AMBP: variants seen among roughly 807,000 people sequenced by gnomAD.
AMBP encodes the protein alpha-1-microglobulin/bikunin precursor.
A neutral mutation model predicts 46.3 loss-of-function variants in AMBP; 37 were observed. That is an observed-to-expected ratio of 0.80 (90% CI 0.61 to 1.05). The LOEUF (loss-of-function observed/expected upper bound fraction) is 1.05. AMBP is among the 50% of genes least tolerant of loss of function. The pLI is 0.00. For missense variants in AMBP, 475 were observed against 461.2 expected (o/e 1.03, Z -0.27); for synonymous variants, 174 against 175.9 (o/e 0.99, Z 0.09).
intron 2 of AMBP, among the ~76,000 whole-genome samples, chr9:114,076,134 T>C (rs1357231164): frequency 6.7e-6 from 1 of 149,784 alleles, no homozygotes; most frequent in Non-Finnish European, 1.5e-5. Context: ...GGTGGAAGGG[T>C]GGAGGTCAGA....
chr9:114,072,887 G>A, intron 5 of AMBP, 38 bp downstream of exon 5: 7 of 1,595,186 alleles, frequency 4.4e-6, no homozygotes, highest in Non-Finnish European at 6.0e-6. Flanking sequence ...AAGGGACGAA[G>A]AGGGGACAGG....
intron 8 of AMBP, 127 bp downstream of exon 8, chr9:114,061,297 A>T: frequency 6.7e-7 from 1 of 1,493,236 alleles, no homozygotes. Flanking sequence ...CTAAGATTTC[A>T]GGAAACCGCC....
intron 4 of AMBP, among the ~76,000 whole-genome samples, chr9:114,073,641 G>A (rs1241813048): frequency 6.6e-6 from 1 of 152,038 alleles, no homozygotes; most frequent in Non-Finnish European, 1.5e-5. Context: ...GGGACTGCAA[G>A]CACACATGCA....
chr9:114,076,420 G>A (rs554384053), intron 2 of AMBP, among the ~76,000 whole-genome samples, 178 bp downstream of exon 2: 1 of 152,216 alleles, frequency 6.6e-6, no homozygotes, highest in South Asian at 2.1e-4. Flanking sequence ...CTGCCCTCGA[G>A]GAATAGATAG....
chr9:114,077,088 C>T (rs1846821447), intron 1 of AMBP, among the ~76,000 whole-genome samples: 1 of 152,162 alleles, frequency 6.6e-6, no homozygotes, highest in Admixed American at 6.5e-5. Flanking sequence ...TCTTTTACTC[C>T]TCCAATGATG....
At chr9:114,060,302 C>A (rs560013983) in intron 9 of AMBP, 32 bp from the exon 10 acceptor site, 1 of 1,611,156 alleles carries the variant, frequency 6.2e-7, no homozygotes, top group Non-Finnish European at 8.5e-7. Context: ...GGGAGGGGTC[C>A]GTAGGCAGGG....
In AMBP at chr9:114,076,727, C is replaced by A; in HGVS notation, c.131G>T (p.Trp44Leu). 6.2e-7 allele frequency: 1 copy of A among 1,614,010 alleles called. No homozygotes were observed. Among genetic ancestry groups the A allele is most frequent in the Non-Finnish European group, 8.5e-7 (1 of 1,179,948 alleles). The change falls in exon 2 of 10, where the codon TGG becomes TTG. Residue 44 changes from tryptophan (W) to leucine (L), a missense_variant. This residue lies in a region of AMBP where 179 missense variants were observed against 167.4 expected (regional missense o/e 1.07). Transcript: ENST00000265132. ...NFNISRIYGK[W>L]YNLAIGSTCP... ...GGTGGAACCGATGGCCAGGTTGTAC[C>A]ACTTCCCATAGATCTAGGAGGCAGG...
intron 7 of AMBP, 74 bp downstream of exon 7, chr9:114,062,603 G>A: frequency 6.9e-7 from 1 of 1,453,304 alleles, no homozygotes; most frequent in Non-Finnish European, 9.6e-7. Context: ...GATAAGAGTA[G>A]CCAGGGTGAG....
At chr9:114,062,426 G>C (rs937110102) in intron 7 of AMBP, among the ~76,000 whole-genome samples, 1 of 152,196 alleles carries the variant, frequency 6.6e-6, no homozygotes, top group Non-Finnish European at 1.5e-5. Context: ...CAGTCATACA[G>C]ACAGGGCAAG....
At chr9:114,070,005 C>T in intron 5 of AMBP, 2 of 528,526 alleles carry the variant, frequency 3.8e-6, no homozygotes, top group Non-Finnish European at 6.8e-6. Flanking sequence ...GAAAGAATAG[C>T]AATAGCTAAC....
chr9:114,073,123 A>G, intron 4 of AMBP, 97 bp from the exon 5 acceptor site: 6 of 1,063,402 alleles, frequency 5.6e-6, no homozygotes, highest in Non-Finnish European at 8.2e-6. Context: ...CTTAGGGAAA[A>G]TTTGAAAACT....
At chr9:114,062,383 T>TA (rs1339175644) in intron 7 of AMBP, among the ~76,000 whole-genome samples, 1 of 152,196 alleles carries the variant, frequency 6.6e-6, no homozygotes. Flanking sequence ...TATCCCATAA[T>TA]ATGGATGAGG....
intron 2 of AMBP, among the ~76,000 whole-genome samples, chr9:114,075,344 G>T (rs994427095): frequency 1.3e-5 from 2 of 152,176 alleles, no homozygotes; most frequent in Non-Finnish European, 2.9e-5. Flanking sequence ...TTATACTGAG[G>T]CAGGAGGAGC....
intron 7 of AMBP, among the ~76,000 whole-genome samples, 161 bp from the exon 8 acceptor site, chr9:114,061,752 C>T (rs569475768): frequency 3.9e-5 from 6 of 152,198 alleles, no homozygotes; most frequent in African/African-American, 1.2e-4. Flanking sequence ...GTAACTTGGC[C>T]GGGGTCACAT....
rs750279851 is a variant in AMBP, at chr9:114,073,050, C to G, written c.455-24G>C. The G allele has an allele frequency of 1.0e-5, 16 of 1,599,918 alleles. No homozygotes were observed. In the Middle Eastern group the frequency reaches 6.6e-4, roughly 66 times the overall value. ...CCCTGCAAGGAGGAAGCAGAGGAGA[C>G]GCCTAGAACCACCAGGTGCTTGGAG... On this transcript the variant is annotated intron_variant, in intron 4 of 9. Coordinates refer to ENST00000265132, the MANE Select transcript of AMBP (RefSeq NM_001633.4).
At chr9:114,071,478 G>A (rs371393370) in intron 5 of AMBP, among the ~76,000 whole-genome samples, 19 of 152,346 alleles carry the variant, frequency 1.2e-4, no homozygotes, top group African/African-American at 4.3e-4. Flanking sequence ...GCCTGCAGGC[G>A]CCCCTTGGCA....
intron 5 of AMBP, among the ~76,000 whole-genome samples, chr9:114,072,646 C>CT (rs968275730): frequency 6.6e-6 from 1 of 152,212 alleles, no homozygotes; most frequent in African/African-American, 2.4e-5. Context: ...TCCCAAAACT[C>CT]TTTTGCCTCC....
At chr9:114,069,768 G>A (rs1340374312) in intron 5 of AMBP, 23 bp from the exon 6 acceptor site, 2 of 1,613,938 alleles carry the variant, frequency 1.2e-6, no homozygotes. Flanking sequence ...GCAGGAGAGA[G>A]GAGTGAATAA....
At chr9:114,076,069 G>A (rs561313822) in intron 2 of AMBP, among the ~76,000 whole-genome samples, 6 of 152,044 alleles carry the variant, frequency 3.9e-5, no homozygotes, top group African/African-American at 7.2e-5. Context: ...GAAGGGTCTC[G>A]AGCAGATGTG....
Sources: allele counts gnomAD v4.1 joint callset (sites outside exome capture counted in the v4.1 genomes callset), GRCh38; gene constraint gnomAD v4.1.1; regional missense constraint gnomAD v4.1.1; transcripts MANE v1.5; gene names NCBI Gene and HGNC (gene_info 2026-07-23, HGNC 2026-07-21).